FAM174B: variants seen among roughly 807,000 people sequenced by gnomAD.
FAM174B encodes the protein family with sequence similarity 174 member B.
Under a neutral mutation model 10.9 loss-of-function variants are expected in FAM174B, and 12 were observed. That is an observed-to-expected ratio of 1.10 (90% CI 0.71 to 1.79). The LOEUF (loss-of-function observed/expected upper bound fraction) is 1.79. Among genes scored for constraint, FAM174B ranks in the 40% most tolerant of loss-of-function variants. The pLI, the probability that FAM174B is intolerant of heterozygous loss-of-function variation, is 0.00. For missense variants in FAM174B, 266 were observed against 233.3 expected (o/e 1.14, Z -0.91); for synonymous variants, 132 against 115.8 (o/e 1.14, Z -0.90).
chr15:92,632,524 A>C (rs187259419), intron 1 of FAM174B, among the ~76,000 whole-genome samples: 3 of 152,272 alleles, frequency 2.0e-5, no homozygotes, highest in Non-Finnish European at 4.4e-5. Context: ...CTCAAAATAA[A>C]ATAAAGACAG....
intron 1 of FAM174B, among the ~76,000 whole-genome samples, chr15:92,650,271 A>T (rs1182007012): frequency 1.3e-5 from 2 of 152,250 alleles, no homozygotes; most frequent in Non-Finnish European, 2.9e-5. Context: ...TAGTAAAATT[A>T]ACAAAGCATC....
intron 1 of FAM174B, among the ~76,000 whole-genome samples, chr15:92,646,585 G>A (rs1380690964): frequency 6.6e-6 from 1 of 152,160 alleles, no homozygotes; most frequent in South Asian, 2.1e-4. Context: ...GGAAGGGTGG[G>A]GGGTTGGACA....
intron 1 of FAM174B, among the ~76,000 whole-genome samples, chr15:92,648,849 C>A (rs550159122): frequency 4.1e-4 from 63 of 152,352 alleles, no homozygotes; most frequent in African/African-American, 1.4e-3. Flanking sequence ...AGATTCCTGG[C>A]AGATTGCCCT....
chr15:92,650,669 C>A (rs754939659), intron 1 of FAM174B, among the ~76,000 whole-genome samples: 6 of 152,182 alleles, frequency 3.9e-5, no homozygotes, highest in Middle Eastern at 3.2e-3. Context: ...ATGTAGGGGG[C>A]AAAAGGTACT....
intron 1 of FAM174B, among the ~76,000 whole-genome samples, chr15:92,633,739 G>A (rs2050834596): frequency 6.6e-6 from 1 of 152,050 alleles, no homozygotes; most frequent in African/African-American, 2.4e-5. Flanking sequence ...GCTTTGTGTG[G>A]GACTTAAATG....
chr15:92,655,574 G>T lies in FAM174B; in HGVS notation c.86C>A (p.Ala29Asp). ...LAAPAARASR[A>D]ESVSAPWPEP... ...GGGCCACGGCGCGGAGACGGACTCG[G>T]CTCTGCTGGCGCGGGCGGCGGGAGC... The change falls in exon 1 of 3, where the codon GCC becomes GAC. Residue 29 changes from alanine (A) to aspartate (D), a missense_variant. By Grantham distance (126) the Ala-to-Asp change is moderately radical. Transcript: ENST00000327355. 1 of 1,343,542 alleles carries T rather than the reference G, an allele frequency of 7.4e-7. No homozygotes were observed. The highest frequency in any genetic ancestry group is 1.5e-5 in the African/African-American group (1 of 65,070). The allele number at this position is 1,343,542 out of a possible 1,614,324, so 83.2% of individuals were successfully genotyped here.
chr15:92,629,414 A>G (rs1028730314), intron 2 of FAM174B, among the ~76,000 whole-genome samples: 1 of 152,176 alleles, frequency 6.6e-6, no homozygotes, highest in Non-Finnish European at 1.5e-5. Flanking sequence ...CTGCCTGTGG[A>G]GCTCATCGGT....
intron 1 of FAM174B, among the ~76,000 whole-genome samples, chr15:92,636,156 A>G (rs1476596285): frequency 1.3e-5 from 2 of 151,906 alleles, no homozygotes; most frequent in Non-Finnish European, 2.9e-5. Flanking sequence ...TTTTAAAATA[A>G]TAGTCCATAA....
At chr15:92,629,131 C>A (rs2050773767) in intron 2 of FAM174B, among the ~76,000 whole-genome samples, 1 of 152,088 alleles carries the variant, frequency 6.6e-6, no homozygotes, top group African/African-American at 2.4e-5. Flanking sequence ...GCTTGCCTTC[C>A]CAGACATGCA....
Position 92,617,554 on chromosome 15 carries a change from G to GC in FAM174B, c.*1901dup. The GC allele has an allele frequency of 1.9e-6, 1 of 530,128 alleles. No homozygotes were observed. The highest frequency in any genetic ancestry group is 3.3e-6 in the Non-Finnish European group (1 of 301,252). The allele number at this position is 530,128 out of a possible 1,614,324, so 32.8% of individuals were successfully genotyped here. A position where few individuals can be genotyped will look rare whatever the true frequency, so the allele number is the denominator to read the frequency against. On this transcript the variant is annotated 3_prime_UTR_variant, in exon 3 of 3. Coordinates refer to ENST00000327355, the MANE Select transcript of FAM174B (RefSeq NM_207446.3). The stretch of plus-strand genomic sequence containing the variant: ...CCATTTCTGCCAGGACCAGTGGCAA[G>GC]CACCTGGCAGATGGAGCCCGGGTGT...
At chr15:92,653,299 C>G (rs906243586) in intron 1 of FAM174B, 1 of 152,296 alleles carries the variant, frequency 6.6e-6, no homozygotes, top group Non-Finnish European at 1.5e-5. Flanking sequence ...GTCTCGCACC[C>G]CTCACATCTG....
At chr15:92,637,238 G>C (rs1019537112) in intron 1 of FAM174B, among the ~76,000 whole-genome samples, 1 of 152,248 alleles carries the variant, frequency 6.6e-6, no homozygotes, top group Admixed American at 6.5e-5. Context: ...GGCTGGAACA[G>C]GGCAGGTGGG....
At chr15:92,619,678 CTCCCCACACA>C in intron 2 of FAM174B, 1 of 601,834 alleles carries the variant, frequency 1.7e-6, no homozygotes, top group Non-Finnish European at 3.0e-6. Flanking sequence ...CCTCCCCCAG[CTCCCCACACA>C]GACTCCCTAG....
intron 2 of FAM174B, 100 bp downstream of exon 2, chr15:92,630,109 ACACTT>A: frequency 8.3e-7 from 1 of 1,201,678 alleles, no homozygotes. Context: ...CCAGGACCCA[ACACTT>A]CACTAAAAAA....
At chr15:92,623,181 C>T (rs1003450648) in intron 2 of FAM174B, among the ~76,000 whole-genome samples, 2 of 151,832 alleles carry the variant, frequency 1.3e-5, no homozygotes, top group African/African-American at 4.8e-5. Context: ...AAAAAGTGGC[C>T]ATGCTCCTGC....
rs1002870007 is a variant in FAM174B, at chr15:92,630,700, T to C, written c.345-355A>G. On this transcript the variant is annotated intron_variant, in intron 1 of 2. Coordinates refer to ENST00000327355, the MANE Select transcript of FAM174B (RefSeq NM_207446.3). ...AAATGCAATATATATTTTATATATATATTATATAATTATATATTTTTTATA... is the reference window on the plus strand; with the variant it reads ...AAATGCAATATATATTTTATATATACATTATATAATTATATATTTTTTATA... Among the ~76,000 whole-genome samples the C allele has an allele frequency of 2.2e-5, 3 of 137,370 alleles. No homozygotes were observed. The East Asian group carries it at 6.4e-4, about 29-fold the overall frequency. 90.1% of individuals were successfully genotyped at this position (137,370 alleles called of 152,430 possible).
At chr15:92,645,003 G>T (rs567559835) in intron 1 of FAM174B, among the ~76,000 whole-genome samples, 6 of 152,312 alleles carry the variant, frequency 3.9e-5, no homozygotes, top group Non-Finnish European at 7.4e-5. Context: ...AAATGTCTGT[G>T]GGCCACATTT....
At chr15:92,654,965 TTCC>T (rs2050991347) in intron 1 of FAM174B, among the ~76,000 whole-genome samples, 1 of 152,182 alleles carries the variant, frequency 6.6e-6, no homozygotes, top group African/African-American at 2.4e-5. Flanking sequence ...TGAAAATGTT[TTCC>T]TCATCTGTGA....
At chr15:92,653,593 C>T (rs1260053623) in intron 1 of FAM174B, among the ~76,000 whole-genome samples, 3 of 152,252 alleles carry the variant, frequency 2.0e-5, no homozygotes, top group African/African-American at 7.2e-5. Flanking sequence ...CCTCAAGGGC[C>T]CTCTGCTGAG....
Sources: gnomAD v4.1 joint callset for allele counts (sites outside exome capture counted in the v4.1 genomes callset) on GRCh38, gnomAD v4.1.1 for gene constraint, MANE v1.5 for transcripts, NCBI Gene and HGNC (gene_info 2026-07-23, HGNC 2026-07-21) for gene names.